SLC71A2: variants seen among roughly 807,000 people sequenced by gnomAD.
The protein encoded by SLC71A2 is hippocampus abundant transcript-like 1.
the SLC71A2 span, among the ~76,000 whole-genome samples, chr9:94,424,304 G>A: frequency 2.6e-5 from 4 of 151,610 alleles, no homozygotes; most frequent in East Asian, 3.9e-4. Context: ...GTGCGATCTC[G>A]GCTCACTGCA....
At chr9:94,412,594 A>G in the SLC71A2 span, among the ~76,000 whole-genome samples, 1 of 150,578 alleles carries the variant, frequency 6.6e-6, no homozygotes, top group Non-Finnish European at 1.5e-5. Context: ...GAACTGATGA[A>G]TGGATAAACA....
At chr9:94,441,648 A>AC in the SLC71A2 span, among the ~76,000 whole-genome samples, 3 of 152,236 alleles carry the variant, frequency 2.0e-5, no homozygotes, top group Non-Finnish European at 2.9e-5. Flanking sequence ...CTCTTTGTGC[A>AC]CCTAATTTGG....
At chr9:94,407,066 G>A in the SLC71A2 span, among the ~76,000 whole-genome samples, 8 of 151,362 alleles carry the variant, frequency 5.3e-5, no homozygotes, top group East Asian at 1.6e-3. Context: ...TTCATATTTG[G>A]CCTTTATTAT....
At chr9:94,386,407 G>A in the SLC71A2 span, among the ~76,000 whole-genome samples, 3,121 of 151,306 alleles carry the variant, frequency 0.021, 105 homozygotes, top group African/African-American at 0.072. Context: ...CTATGTGAGT[G>A]AAAAAAGTTT....
the SLC71A2 span, among the ~76,000 whole-genome samples, chr9:94,416,869 A>T: frequency 2.0e-5 from 3 of 152,042 alleles, no homozygotes; most frequent in Non-Finnish European, 4.4e-5. Flanking sequence ...AAAAAAAAAA[A>T]ATACAGTTTT....
the SLC71A2 span, among the ~76,000 whole-genome samples, chr9:94,457,678 ATTTTC>A: frequency 3.9e-5 from 6 of 152,068 alleles, no homozygotes; most frequent in African/African-American, 1.4e-4. Flanking sequence ...TGGGGCATGG[ATTTTC>A]TTTTGACTTT....
At chr9:94,438,745 G>C in the SLC71A2 span, among the ~76,000 whole-genome samples, 5 of 152,164 alleles carry the variant, frequency 3.3e-5, no homozygotes, top group African/African-American at 1.2e-4. Context: ...TCTGAGATAA[G>C]TTACTTAGGT....
At chr9:94,399,963 G>T in the SLC71A2 span, among the ~76,000 whole-genome samples, 2 of 151,858 alleles carry the variant, frequency 1.3e-5, no homozygotes, top group Admixed American at 6.6e-5. Flanking sequence ...GTGCCACCAC[G>T]GTGGCCTGGC....
the SLC71A2 span, chr9:94,451,589 C>T: frequency 1.2e-6 from 1 of 834,830 alleles, no homozygotes; most frequent in Non-Finnish European, 1.9e-6. Flanking sequence ...CATAGTTTCA[C>T]AGGAAGCCAC....
chr9:94,429,259 A>C, the SLC71A2 span: 6 of 1,592,768 alleles, frequency 3.8e-6, no homozygotes, highest in African/African-American at 8.1e-5. Context: ...AAGGTAAGAA[A>C]AAATTTTTAT....
chr9:94,420,019 T>G, the SLC71A2 span, among the ~76,000 whole-genome samples: 2 of 152,346 alleles, frequency 1.3e-5, no homozygotes, highest in Middle Eastern at 3.4e-3. Flanking sequence ...AGTGCATTCT[T>G]ACTTCAGGCC....
At chr9:94,442,072 T>G in the SLC71A2 span, among the ~76,000 whole-genome samples, 2 of 152,186 alleles carry the variant, frequency 1.3e-5, no homozygotes, top group Non-Finnish European at 2.9e-5. Context: ...CGTCTTCCTC[T>G]GTATTTGAAA....
the SLC71A2 span, chr9:94,433,112 C>G: frequency 6.4e-6 from 2 of 311,736 alleles, no homozygotes; most frequent in African/African-American, 4.5e-5. Context: ...GCCCTTGAGA[C>G]GGTACACAAT....
At chr9:94,446,250 AC>A in the SLC71A2 span, among the ~76,000 whole-genome samples, 27 of 152,354 alleles carry the variant, frequency 1.8e-4, no homozygotes, top group African/African-American at 6.0e-4. Flanking sequence ...GTATTAACTT[AC>A]CATTTTGTTC....
chr9:94,444,413 T>G, the SLC71A2 span, among the ~76,000 whole-genome samples: 31 of 152,210 alleles, frequency 2.0e-4, no homozygotes, highest in Admixed American at 1.9e-3. Flanking sequence ...TGTTAATAGT[T>G]TTTTTCTAAG....
At chr9:94,460,064 G>T in the SLC71A2 span, 2 of 152,418 alleles carry the variant, frequency 1.3e-5, no homozygotes, top group East Asian at 3.9e-4. Flanking sequence ...CTAGATGAAA[G>T]AAATTTTCAT....
chr9:94,451,499 T>C, the SLC71A2 span: 3 of 1,574,974 alleles, frequency 1.9e-6, no homozygotes, highest in Non-Finnish European at 2.6e-6. Context: ...TTCATAGCTA[T>C]GGTAGGAATT....
At chr9:94,402,649 T>C in the SLC71A2 span, among the ~76,000 whole-genome samples, 1 of 152,242 alleles carries the variant, frequency 6.6e-6, no homozygotes, top group Admixed American at 6.5e-5. Context: ...CTGTGGCTTA[T>C]CTTTTCATTC....
chr9:94,459,879 G>T, the SLC71A2 span: 1 of 160,154 alleles, frequency 6.2e-6, no homozygotes, highest in Non-Finnish European at 1.4e-5. Context: ...CAGCCCATAG[G>T]TGTTGATGAG....
Sources: gnomAD v4.1 joint callset for allele counts (sites outside exome capture counted in the v4.1 genomes callset) on GRCh38, gnomAD v4.1.1 for gene constraint, MANE v1.5 for transcripts, NCBI Gene and HGNC (gene_info 2026-07-23, HGNC 2026-07-21) for gene names.